The following DYNC1H1 variants were observed in gnomAD, a reference collection of about 807,000 sequenced individuals.
DYNC1H1 encodes dynein cytoplasmic 1 heavy chain 1.
In DYNC1H1, 51 loss-of-function variants were observed where a neutral mutation model predicts 527.1. That is an observed-to-expected ratio of 0.10 (90% CI 0.08 to 0.12). The LOEUF is 0.12. Among genes scored for constraint, DYNC1H1 ranks in the 10% least tolerant of loss-of-function variants. The pLI is 1.00. For missense variants in DYNC1H1, 2,771 were observed against 5,971.8 expected, an observed-to-expected ratio of 0.46 and a Z score of 17.66; for synonymous variants, 2,189 against 2,278.8, an observed-to-expected ratio of 0.96 and a Z score of 1.12.
At chr14:101,974,597 CT>C (rs2047779316) in intron 1 of DYNC1H1, among the ~76,000 whole-genome samples, 1 of 152,178 alleles carries the variant, frequency 6.6e-6, no homozygotes, top group Non-Finnish European at 1.5e-5. Flanking sequence ...TATTCTTATA[CT>C]TTTTTTAGTT....
chr14:102,015,036 A>G lies in DYNC1H1; in HGVS notation c.7015-69A>G, dbSNP rs562710376. 1.9e-6 allele frequency: 3 copies of G among 1,573,656 alleles called. No homozygotes were observed. The highest frequency in any genetic ancestry group is 1.7e-6 in the Non-Finnish European group (2 of 1,144,670). On this transcript the variant is annotated intron_variant, in intron 34 of 77. Coordinates refer to ENST00000360184, the MANE Select transcript of DYNC1H1 (RefSeq NM_001376.5). The surrounding 1 kb of genome is among the most constrained non-coding windows in gnomAD (Gnocchi z 6.9). Reference sequence around the variant, plus strand: ...TCACCCTTTCAGTGTATATATAGGTAAAAGAATCTTAATGTCCAGGTTTCT... The same window carrying G: ...TCACCCTTTCAGTGTATATATAGGTGAAAGAATCTTAATGTCCAGGTTTCT...
rs17512685 is a variant in DYNC1H1, at chr14:102,032,242, C to T, written c.9884-30C>T. 1,340 of 1,612,370 alleles carry T rather than the reference C, an allele frequency of 8.3e-4. 3 individuals carry two copies. Among genetic ancestry groups the T allele is most frequent in the Admixed American group, 1.0e-3 (61 of 59,998 alleles). On this transcript the variant is annotated intron_variant, in intron 51 of 77. Transcript: ENST00000360184. Reference sequence around the variant, plus strand: ...CTTTGCTCTATCTTCTCCCACCCATCGACCCTCATCCACTCCTGCTGCCAC... The same window carrying T: ...CTTTGCTCTATCTTCTCCCACCCATTGACCCTCATCCACTCCTGCTGCCAC...
Position 102,002,465 on chromosome 14 carries a change from T to G in DYNC1H1, c.4543-72T>G. 1 of 1,597,174 alleles carries G rather than the reference T, an allele frequency of 6.3e-7. No homozygotes were observed. The highest frequency in any genetic ancestry group is 8.6e-7 in the Non-Finnish European group (1 of 1,166,244). ...CTTCATGAGATCCTGATCTGCGCTT[T>G]TTCAGTGAGTTTTGGCATATCTGTG... On this transcript the variant is annotated intron_variant, in intron 21 of 77. Coordinates refer to ENST00000360184, the MANE Select transcript of DYNC1H1 (RefSeq NM_001376.5). The surrounding 1 kb of genome is among the most constrained non-coding windows in gnomAD (Gnocchi z 4.4).
In DYNC1H1 at chr14:102,044,024, G is replaced by C. The variant is rs145849008; in HGVS notation, c.12663G>C (p.Thr4221=). 1.2e-6 allele frequency: 2 copies of C among 1,614,030 alleles called. No individual in the cohort carries two copies. The highest frequency in any genetic ancestry group is 1.1e-5 in the South Asian group (1 of 91,090). ...DLRSACDTVD[T]WLDDTAKGRQ... ...GGTCAGCTTGCGATACGGTGGACAC[G>C]TGGCTGGATGACACGGCCAAGGCAA... Residue 4221 remains threonine, a synonymous_variant, in exon 70 of 78, where the codon ACG becomes ACC. Transcript: ENST00000360184. This position sits in a 1 kb window ranked among gnomAD's most constrained non-coding sequence, Gnocchi z 7.1.
Position 102,047,620 on chromosome 14 carries a change from C to CCTATGT in DYNC1H1, c.13007-197_13007-196insCTATGT, listed in dbSNP as rs1555412487. Reference sequence around the variant, plus strand: ...ATATACACATATATGTATATATACACGTGTGTGTGTGTGTGTGTGTGTATA... The same window carrying CCTATGT: ...ATATACACATATATGTATATATACACCTATGTGTGTGTGTGTGTGTGTGTGTGTATA... On this transcript the variant is annotated intron_variant, in intron 72 of 77. Coordinates refer to ENST00000360184, the MANE Select transcript of DYNC1H1 (RefSeq NM_001376.5). The CCTATGT allele has an allele frequency of 2.0e-5, 6 of 300,652 alleles. No individual in the cohort carries two copies. The African/African-American group carries it at 2.4e-4, about 12-fold the overall frequency. 18.6% of individuals were successfully genotyped at this position (300,652 alleles called of 1,614,324 possible). A position where few individuals can be genotyped will look rare whatever the true frequency, so the allele number is the denominator to read the frequency against.
rs771100726 is a variant in DYNC1H1, at chr14:102,027,309, C to T, written c.8886+21C>T. ...TTAAGGTGCGTCTGGTCGGTGGCCT[C>T]TTAATCCCAGCAACAGATGTGTGTG... On this transcript the variant is annotated intron_variant, in intron 45 of 77. Coordinates refer to ENST00000360184, the MANE Select transcript of DYNC1H1 (RefSeq NM_001376.5). This position sits in a 1 kb window ranked among gnomAD's most constrained non-coding sequence, Gnocchi z 7.7. 5.0e-6 allele frequency: 8 copies of T among 1,614,098 alleles called. No homozygotes were observed. Among genetic ancestry groups the T allele is most frequent in the Non-Finnish European group, 6.8e-6 (8 of 1,180,022 alleles).
At chr14:101,999,108 T>C (rs2048101545) in intron 16 of DYNC1H1, among the ~76,000 whole-genome samples, 1 of 152,074 alleles carries the variant, frequency 6.6e-6, no homozygotes, top group African/African-American at 2.4e-5. Context: ...GGTCTCAATC[T>C]CCTGACCTCA....
rs553830807 is a variant in DYNC1H1 at position 101,985,545 on chromosome 14, C to T, written c.1462-142C>T. On this transcript the variant is annotated intron_variant, in intron 7 of 77. Coordinates refer to ENST00000360184, the MANE Select transcript of DYNC1H1 (RefSeq NM_001376.5). The surrounding 1 kb of genome is among the most constrained non-coding windows in gnomAD (Gnocchi z 5.9). ...TTCACCATGTTGGCCAGGCTGGTCT[C>T]GAACTCCTGACCTCATGATCCGCCT... The T allele has an allele frequency of 1.4e-4, 112 of 794,486 alleles. 1 individual carries two copies. The African/African-American group carries it at 1.5e-3, about 11-fold the overall frequency. The allele number at this position is 794,486 out of a possible 1,614,324, so 49.2% of individuals were successfully genotyped here.
chr14:102,048,761 A>C (rs2048762262), intron 74 of DYNC1H1, 92 bp downstream of exon 74: 3 of 1,285,618 alleles, frequency 2.3e-6, no homozygotes, highest in East Asian at 5.4e-5. Flanking sequence ...CCACGTGCAG[A>C]CAGCCAGGCC....
Position 102,010,872 on chromosome 14 carries a change from G to A in DYNC1H1, c.6538G>A (p.Glu2180Lys). 6.2e-7 allele frequency: 1 copy of A among 1,614,252 alleles called. No homozygotes were observed. Among genetic ancestry groups the A allele is most frequent in the Non-Finnish European group, 8.5e-7 (1 of 1,180,050 alleles). The part of the protein sequence containing the change: ...YHRGEMTALR[E>K]ELKKVCQEMY... ...CAGGGGTGAGATGACTGCCCTTCGA[G>A]AGGAGCTGAAGAAAGTGTGTCAGGA... The change falls in exon 32 of 78, where the codon GAG (glutamate) becomes AAG (lysine). Residue 2180 changes from glutamate (E) to lysine (K), a missense_variant. By Grantham distance (56) the Glu-to-Lys change is moderately conservative. Around this residue, in one of 32 missense-constraint regions of DYNC1H1, gnomAD observed 56 missense variants for 140.6 expected, o/e 0.40. Transcript: ENST00000360184. The surrounding 1 kb of genome is among the most constrained non-coding windows in gnomAD (Gnocchi z 6.0).
In DYNC1H1 at chr14:102,038,876, T is replaced by C. The variant is rs776266407; in HGVS notation, c.11206+28T>C. ...AGGATCTGGACCTGTGGCTTTTAGA[T>C]GGTTGGTGCAGGGGAAGGGGCTGAA... On this transcript the variant is annotated intron_variant, in intron 59 of 77. Transcript: ENST00000360184. This position sits in a 1 kb window ranked among gnomAD's most constrained non-coding sequence, Gnocchi z 7.2. 6.2e-6 allele frequency: 10 copies of C among 1,614,014 alleles called. No homozygotes were observed. Among genetic ancestry groups the C allele is most frequent in the South Asian group, 1.1e-5 (1 of 91,064 alleles).
chr14:102,041,968 A>G lies in DYNC1H1; in HGVS notation c.12103-45A>G. ...CTCTCCTTTCCCTTGACAGGTACAC[A>G]CTATTTGCTGGCACTGTAATAACTT... On this transcript the variant is annotated intron_variant, in intron 65 of 77. Transcript: ENST00000360184. The surrounding 1 kb of genome is among the most constrained non-coding windows in gnomAD (Gnocchi z 4.5). The G allele has an allele frequency of 6.3e-7, 1 of 1,598,296 alleles. No individual in the cohort carries two copies. The highest frequency in any genetic ancestry group is 1.3e-5 in the African/African-American group (1 of 74,620).
At chr14:101,968,705 G>A (rs2047695485) in intron 1 of DYNC1H1, among the ~76,000 whole-genome samples, 1 of 151,786 alleles carries the variant, frequency 6.6e-6, no homozygotes, top group Non-Finnish European at 1.5e-5. Flanking sequence ...GGGATTACAG[G>A]CACACACCAC....
rs150575173 is a variant in DYNC1H1 at position 102,033,763 on chromosome 14, G to A, written c.10414-213G>A. The A allele has an allele frequency of 1.5e-4, 105 of 692,294 alleles. No individual in the cohort carries two copies. The highest frequency in any genetic ancestry group is 1.5e-3 in the African/African-American group (85 of 56,356). The allele number at this position is 692,294 out of a possible 1,614,324, so 42.9% of individuals were successfully genotyped here. On this transcript the variant is annotated intron_variant, in intron 54 of 77. Transcript: ENST00000360184. The surrounding 1 kb of genome is among the most constrained non-coding windows in gnomAD (Gnocchi z 5.6). ...CTCTGCTGCCTGAGGGCCTCGCTCCGTACCCAGCTTCTGCCCCGCTGAGAT... is the reference window on the plus strand; with the variant it reads ...CTCTGCTGCCTGAGGGCCTCGCTCCATACCCAGCTTCTGCCCCGCTGAGAT...
rs1392613574 is a variant in DYNC1H1 at position 101,997,897 on chromosome 14, G to A, written c.3804+623G>A. Among the ~76,000 whole-genome samples, 1 of 152,182 alleles carries A rather than the reference G, an allele frequency of 6.6e-6. No homozygotes were observed. The highest frequency in any genetic ancestry group is 1.5e-5 in the Non-Finnish European group (1 of 68,040). Reference sequence around the variant, plus strand: ...AAAATGAGCAAGAAGAGACAGGAAAGGCAGGTGGTGGTGCTGCTGCGACAG... The same window carrying A: ...AAAATGAGCAAGAAGAGACAGGAAAAGCAGGTGGTGGTGCTGCTGCGACAG... On this transcript the variant is annotated intron_variant, in intron 16 of 77. Coordinates refer to ENST00000360184, the MANE Select transcript of DYNC1H1 (RefSeq NM_001376.5). The surrounding 1 kb of genome is among the most constrained non-coding windows in gnomAD (Gnocchi z 4.8).
chr14:102,047,773 G>A (rs773285698), intron 72 of DYNC1H1, 44 bp from the exon 73 acceptor site: 23 of 1,609,010 alleles, frequency 1.4e-5, no homozygotes, highest in Admixed American at 3.3e-5. Flanking sequence ...TTTCTTGCCC[G>A]TCCCCTCCCT....
chr14:102,049,689 C>G lies in DYNC1H1; in HGVS notation c.13516-25C>G, dbSNP rs770367659. On this transcript the variant is annotated intron_variant, in intron 75 of 77. Transcript: ENST00000360184. The surrounding 1 kb of genome is among the most constrained non-coding windows in gnomAD (Gnocchi z 5.5). Reference sequence around the variant, plus strand: ...GCCCAGGTCTGACCTGAGCTCCTTCCCCTGGGGGCTGCTGCTTTCCACAGA... The same window carrying G: ...GCCCAGGTCTGACCTGAGCTCCTTCGCCTGGGGGCTGCTGCTTTCCACAGA... 8.2e-5 allele frequency: 132 copies of G among 1,613,748 alleles called. No homozygotes were observed. Among genetic ancestry groups the G allele is most frequent in the Non-Finnish European group, 1.1e-4 (130 of 1,180,034 alleles).
chr14:101,966,701 A>ATT (rs563681313), intron 1 of DYNC1H1, among the ~76,000 whole-genome samples: 1 of 151,718 alleles, frequency 6.6e-6, no homozygotes, highest in African/African-American at 2.4e-5. Flanking sequence ...CAGTGATTTT[A>ATT]TTTTTTTTAC....
Position 102,002,739 on chromosome 14 carries a change from G to A in DYNC1H1, c.4709+36G>A, listed in dbSNP as rs528894484. ...CAGCCAGAGAGCCAAATTTGCCAGC[G>A]GCTAGTGACTACTCTACACAAAGGC... On this transcript the variant is annotated intron_variant, in intron 22 of 77. Coordinates refer to ENST00000360184, the MANE Select transcript of DYNC1H1 (RefSeq NM_001376.5). This position sits in a 1 kb window ranked among gnomAD's most constrained non-coding sequence, Gnocchi z 4.4. 1.4e-5 allele frequency: 22 copies of A among 1,614,186 alleles called. No individual in the cohort carries two copies. Among genetic ancestry groups the A allele is most frequent in the South Asian group, 5.5e-5 (5 of 91,078 alleles).
Sources: gnomAD v4.1 joint callset for allele counts (sites outside exome capture counted in the v4.1 genomes callset) on GRCh38, gnomAD v4.1.1 for gene constraint, gnomAD v4.1.1 regional missense constraint, Gnocchi (gnomAD v3.1) non-coding constraint, MANE v1.5 for transcripts, NCBI Gene and HGNC (gene_info 2026-07-23, HGNC 2026-07-21) for gene names.